Variants in BRAF observed in about 807,000 individuals in gnomAD.
The protein encoded by BRAF is serine/threonine-protein kinase B-raf.
In BRAF, 16 loss-of-function variants were observed where a neutral mutation model predicts 104.6. The observed-to-expected ratio is 0.15, with a 90% CI of 0.10 to 0.23. BRAF has a LOEUF of 0.23. BRAF is among the 10% of genes least tolerant of loss of function. The pLI is 1.00. For missense variants in BRAF, 541 were observed against 937.3 expected (o/e 0.58, Z 5.52); for synonymous variants, 310 against 341.6 (o/e 0.91, Z 1.02).
chr7:140,751,022 C>T (rs977326977), intron 16 of BRAF, among the ~76,000 whole-genome samples: 2 of 152,136 alleles, frequency 1.3e-5, no homozygotes, highest in Admixed American at 1.3e-4. Context: ...AAACTCTTCT[C>T]TCCTATGATA....
chr7:140,897,697 G>A (rs576811767), intron 1 of BRAF, among the ~76,000 whole-genome samples: 1 of 151,420 alleles, frequency 6.6e-6, no homozygotes, highest in South Asian at 2.1e-4. Context: ...GTTTCACCAT[G>A]TTTCATCCAT....
chr7:140,846,337 T>A (rs533657725), intron 2 of BRAF, among the ~76,000 whole-genome samples: 4 of 152,088 alleles, frequency 2.6e-5, no homozygotes, highest in African/African-American at 9.7e-5. Flanking sequence ...AGGAAAAAAA[T>A]TTTGATATAT....
At chr7:140,892,136 C>T (rs1000570729) in intron 1 of BRAF, among the ~76,000 whole-genome samples, 4 of 152,230 alleles carry the variant, frequency 2.6e-5, no homozygotes, top group South Asian at 2.1e-4. Context: ...TGGCACACAC[C>T]TGTAGTCCCA....
rs555776671 is a variant in BRAF at position 140,750,078 on chromosome 7, T to C, written c.1981-660A>G. Among the ~76,000 whole-genome samples, 15 of 152,320 alleles carry C rather than the reference T, an allele frequency of 9.8e-5. No homozygotes were observed. The South Asian group carries it at 1.0e-3, about 11-fold the overall frequency. On this transcript the variant is annotated intron_variant, in intron 16 of 19. Transcript: ENST00000644969. Reference sequence around the variant, plus strand: ...CAATGAAACAATCATATTTGCTACATTTTTACACATTTCAGTCATTGTATT... The same window carrying C: ...CAATGAAACAATCATATTTGCTACACTTTTACACATTTCAGTCATTGTATT...
At chr7:140,805,030 T>C (rs1016150057) in intron 5 of BRAF, among the ~76,000 whole-genome samples, 2 of 152,002 alleles carry the variant, frequency 1.3e-5, no homozygotes, top group Admixed American at 1.3e-4. Flanking sequence ...TCTTGAACTC[T>C]TGGGCTCAAG....
intron 1 of BRAF, among the ~76,000 whole-genome samples, chr7:140,897,399 T>C (rs1490852980): frequency 6.6e-6 from 1 of 152,018 alleles, no homozygotes; most frequent in African/African-American, 2.4e-5. Flanking sequence ...CTAGACTGCT[T>C]AAATACCTAA....
At chr7:140,875,612 C>T (rs1812151736) in intron 1 of BRAF, among the ~76,000 whole-genome samples, 1 of 152,122 alleles carries the variant, frequency 6.6e-6, no homozygotes, top group Admixed American at 6.5e-5. Context: ...TCCCGACCTC[C>T]GGTGATCCAC....
intron 1 of BRAF, among the ~76,000 whole-genome samples, chr7:140,888,587 A>C (rs1028361070): frequency 2.6e-5 from 4 of 152,180 alleles, no homozygotes; most frequent in African/African-American, 9.7e-5. Context: ...CTGTAATACC[A>C]GCACTCTGGA....
At chr7:140,740,267 T>A in intron 17 of BRAF, 1 of 232,800 alleles carries the variant, frequency 4.3e-6, no homozygotes, top group Non-Finnish European at 8.4e-6. Flanking sequence ...TGCCTCTTCT[T>A]TACTTTAAAA....
chr7:140,898,912 T>C (rs971509286), intron 1 of BRAF, among the ~76,000 whole-genome samples: 4 of 152,224 alleles, frequency 2.6e-5, no homozygotes, highest in Non-Finnish European at 5.9e-5. Flanking sequence ...GTATGACTAA[T>C]GTATTTGTGA....
chr7:140,755,194 TG>T (rs1173396252), intron 14 of BRAF, among the ~76,000 whole-genome samples: 3 of 152,202 alleles, frequency 2.0e-5, no homozygotes, highest in South Asian at 2.1e-4. Flanking sequence ...TTGGTATGTG[TG>T]GTAAGTATTC....
intron 16 of BRAF, 135 bp from the exon 16 acceptor site, chr7:140,749,553 C>A: frequency 1.1e-6 from 1 of 942,792 alleles, no homozygotes; most frequent in Non-Finnish European, 1.6e-6. Context: ...TCTTAATAGT[C>A]AAAGAAATAA....
At chr7:140,754,335 G>T in intron 14 of BRAF, 102 bp from the exon 14 acceptor site, 1 of 957,130 alleles carries the variant, frequency 1.0e-6, no homozygotes, top group African/African-American at 1.6e-5. Context: ...TTAGAATCAT[G>T]ATACAACTGA....
chr7:140,746,834 AAAAAAAAAAAGAAAAAAG>A (rs1290532685), intron 17 of BRAF, among the ~76,000 whole-genome samples: 1 of 151,332 alleles, frequency 6.6e-6, no homozygotes, highest in African/African-American at 2.4e-5. Flanking sequence ...CGTCTTGGAA[AAAAAAAAAAAGAAAAAAG>A]AAAAAAAAAA....
chr7:140,828,638 G>C (rs932881678), intron 3 of BRAF, among the ~76,000 whole-genome samples: 2 of 152,074 alleles, frequency 1.3e-5, no homozygotes, highest in Admixed American at 6.5e-5. Context: ...TGTACTACAT[G>C]GTGTGGCTGT....
intron 1 of BRAF, among the ~76,000 whole-genome samples, chr7:140,874,519 A>G (rs566088267): frequency 4.1e-5 from 6 of 147,802 alleles, no homozygotes; most frequent in African/African-American, 1.5e-4. Context: ...TTTACTTTTT[A>G]AAAGAAAAAA....
chr7:140,906,192 C>T (rs1439869906), intron 1 of BRAF, among the ~76,000 whole-genome samples: 3 of 151,866 alleles, frequency 2.0e-5, no homozygotes, highest in South Asian at 4.2e-4. Flanking sequence ...TCTTAGAACC[C>T]GGCCTTCGCC....
chr7:140,728,881 C>T (rs1357233134), intron 19 of BRAF, among the ~76,000 whole-genome samples: 1 of 151,582 alleles, frequency 6.6e-6, no homozygotes, highest in African/African-American at 2.4e-5. Flanking sequence ...TCAGAAAATG[C>T]TAATATCTAA....
At chr7:140,833,416 T>C (rs567249754) in intron 3 of BRAF, among the ~76,000 whole-genome samples, 1 of 152,336 alleles carries the variant, frequency 6.6e-6, no homozygotes, top group Non-Finnish European at 1.5e-5. Context: ...GGATGGGATG[T>C]TTGCCAGTTT....
Sources: allele counts gnomAD v4.1 joint callset (sites outside exome capture counted in the v4.1 genomes callset), GRCh38; gene constraint gnomAD v4.1.1; transcripts MANE v1.5; gene names NCBI Gene and HGNC (gene_info 2026-07-23, HGNC 2026-07-21).